CACNA2D3: variants seen among roughly 807,000 people sequenced by gnomAD.
CACNA2D3 encodes the protein voltage-dependent calcium channel subunit alpha-2/delta-3.
Under a neutral mutation model 160.6 loss-of-function variants are expected in CACNA2D3, and 60 were observed. The ratio of observed to expected loss-of-function variants is 0.37; its 90% CI spans 0.30 to 0.46. CACNA2D3 has a LOEUF of 0.46. Ranked by LOEUF, CACNA2D3 falls within the 20% of genes least tolerant of loss-of-function variation. The pLI, the probability that CACNA2D3 is intolerant of heterozygous loss-of-function variation, is 1.00. For synonymous variants in CACNA2D3, 558 were observed against 492.9 expected, an observed-to-expected ratio of 1.13 and a Z score of -1.75; for missense variants, 1,205 against 1,365.0, an observed-to-expected ratio of 0.88 and a Z score of 1.85.
chr3:54,259,055 G>A (rs1702354740), intron 2 of CACNA2D3, among the ~76,000 whole-genome samples: 1 of 152,194 alleles, frequency 6.6e-6, no homozygotes, highest in Admixed American at 6.5e-5. Context: ...ATTTGATGCT[G>A]GGGTCCCATA....
intron 5 of CACNA2D3, among the ~76,000 whole-genome samples, chr3:54,533,372 G>C (rs1037768373): frequency 4.5e-5 from 5 of 111,396 alleles, no homozygotes; most frequent in African/African-American, 1.8e-4. Context: ...GTCTCATTCT[G>C]TCACTCAGGT....
At chr3:54,291,380 A>G (rs1234948754) in intron 2 of CACNA2D3, among the ~76,000 whole-genome samples, 1 of 152,174 alleles carries the variant, frequency 6.6e-6, no homozygotes, top group South Asian at 2.1e-4. Context: ...TTGTCCCTTT[A>G]AAGTAACCCT....
chr3:54,999,910 G>A (rs955700559), intron 31 of CACNA2D3, among the ~76,000 whole-genome samples: 1 of 152,180 alleles, frequency 6.6e-6, no homozygotes, highest in Admixed American at 6.5e-5. Context: ...GGGCTACCAG[G>A]CTTTGTTTGT....
intron 2 of CACNA2D3, among the ~76,000 whole-genome samples, chr3:54,195,497 A>G (rs1654836585): frequency 6.6e-6 from 1 of 151,210 alleles, no homozygotes; most frequent in Non-Finnish European, 1.5e-5. Flanking sequence ...TGGTGGTCAA[A>G]ACTTTTACAG....
chr3:54,293,975 C>A (rs1703271745), intron 2 of CACNA2D3, among the ~76,000 whole-genome samples: 1 of 152,048 alleles, frequency 6.6e-6, no homozygotes, highest in South Asian at 2.1e-4. Context: ...GTGGAAGGCC[C>A]CCAGAAAGGA....
intron 23 of CACNA2D3, among the ~76,000 whole-genome samples, chr3:54,886,220 T>C (rs1190149658): frequency 6.6e-6 from 1 of 151,998 alleles, no homozygotes; most frequent in Non-Finnish European, 1.5e-5. Flanking sequence ...CCCCCACCTC[T>C]AACAAGCATC....
chr3:54,411,117 T>C (rs761390184), intron 4 of CACNA2D3, among the ~76,000 whole-genome samples: 2 of 152,176 alleles, frequency 1.3e-5, no homozygotes, highest in Non-Finnish European at 2.9e-5. Flanking sequence ...GATAAAAGTT[T>C]AATGAATGAG....
rs770472076 is a variant in CACNA2D3 at position 54,627,872 on chromosome 3, G to A, written c.1049G>A (p.Ser350Asn). Residue 350 changes from serine to asparagine, a missense_variant, in exon 10 of 38, where the codon AGT becomes AAT. Transcript: ENST00000474759. ...CTGAATGAGGCCTTCAACATTCTGA[G>A]TGATGTAAGTTCCTCTTTGATTTGC... ...IALNEAFNIL[S>N]DFNHTGQGSI... is the part of the protein sequence containing the mutation. The A allele has an allele frequency of 6.3e-7, 1 of 1,589,516 alleles. No individual in the cohort carries two copies. The highest frequency in any genetic ancestry group is 1.7e-5 in the Admixed American group (1 of 58,392).
intron 13 of CACNA2D3, among the ~76,000 whole-genome samples, chr3:54,793,676 G>A (rs1365946843): frequency 6.6e-6 from 1 of 152,230 alleles, no homozygotes; most frequent in Admixed American, 6.5e-5. Flanking sequence ...GGTCAGTGTA[G>A]TGCAGTGGCT....
At chr3:54,997,184 A>G (rs184773125) in intron 31 of CACNA2D3, among the ~76,000 whole-genome samples, 1 of 152,168 alleles carries the variant, frequency 6.6e-6, no homozygotes, top group Non-Finnish European at 1.5e-5. Context: ...AACAAAAAAT[A>G]AAATAAATAA....
chr3:54,697,008 G>C (rs997324649), intron 11 of CACNA2D3, among the ~76,000 whole-genome samples: 3 of 152,114 alleles, frequency 2.0e-5, no homozygotes, highest in African/African-American at 7.2e-5. Context: ...CAGACGCTGT[G>C]ACTCACGCCT....
intron 13 of CACNA2D3, among the ~76,000 whole-genome samples, chr3:54,776,069 C>G (rs1030990829): frequency 2.6e-5 from 4 of 152,314 alleles, no homozygotes; most frequent in African/African-American, 9.6e-5. Context: ...TGTTGTGTAT[C>G]TGAGTTTACA....
At chr3:54,273,104 G>A (rs1350829454) in intron 2 of CACNA2D3, 3 of 152,254 alleles carry the variant, frequency 2.0e-5, no homozygotes, top group African/African-American at 2.4e-5. Flanking sequence ...CACGGTAAAT[G>A]CGTCACTGGA....
chr3:54,541,234 A>ATG, intron 5 of CACNA2D3, among the ~76,000 whole-genome samples: 1 of 145,236 alleles, frequency 6.9e-6, no homozygotes, highest in African/African-American at 2.6e-5. Flanking sequence ...CTGAGATTAC[A>ATG]CCATTGCACT....
chr3:54,694,732 G>C (rs1700631959), intron 11 of CACNA2D3, among the ~76,000 whole-genome samples: 1 of 152,146 alleles, frequency 6.6e-6, no homozygotes, highest in Admixed American at 6.5e-5. Flanking sequence ...CCCTGTAAGA[G>C]GGTCCACATG....
At chr3:54,726,709 A>T (rs1282878509) in intron 11 of CACNA2D3, among the ~76,000 whole-genome samples, 2 of 152,240 alleles carry the variant, frequency 1.3e-5, no homozygotes, top group East Asian at 1.9e-4. Flanking sequence ...CTGGCTAGCC[A>T]TATGCAGAAA....
chr3:54,205,160 G>A (rs1053837859), intron 2 of CACNA2D3, among the ~76,000 whole-genome samples: 2 of 152,224 alleles, frequency 1.3e-5, no homozygotes, highest in South Asian at 2.1e-4. Flanking sequence ...GATAACAATA[G>A]AGGGGGGAAA....
At chr3:54,442,948 T>C (rs1230855479) in intron 4 of CACNA2D3, among the ~76,000 whole-genome samples, 1 of 152,110 alleles carries the variant, frequency 6.6e-6, no homozygotes, top group East Asian at 1.9e-4. Flanking sequence ...CATTCCACCA[T>C]ATAGTAGCCT....
In CACNA2D3 at chr3:54,503,390, T is replaced by C; in HGVS notation, c.382-102T>C. The C allele has an allele frequency of 4.1e-6, 4 of 964,558 alleles. No individual in the cohort carries two copies. In the South Asian group the frequency reaches 5.8e-5, roughly 14 times the overall value. 59.7% of individuals were successfully genotyped at this position (964,558 alleles called of 1,614,324 possible). Reference sequence around the variant, plus strand: ...AAAAGATTATGTGAGCAGATCAGGGTCCACAGTGTAAGGGATGGCACATGG... The same window carrying C: ...AAAAGATTATGTGAGCAGATCAGGGCCCACAGTGTAAGGGATGGCACATGG... On this transcript the variant is annotated intron_variant, in intron 4 of 37. Coordinates refer to ENST00000474759, the MANE Select transcript of CACNA2D3 (RefSeq NM_018398.3).
Sources: gnomAD v4.1 joint callset for allele counts (sites outside exome capture counted in the v4.1 genomes callset) on GRCh38, gnomAD v4.1.1 for gene constraint, MANE v1.5 for transcripts, NCBI Gene and HGNC (gene_info 2026-07-23, HGNC 2026-07-21) for gene names.